GLYATL3: variants seen among roughly 807,000 people sequenced by gnomAD.
GLYATL3 encodes the protein glycine-N-acyltransferase like 3.
In GLYATL3, 31 loss-of-function variants were observed where a neutral mutation model predicts 28.5. The observed-to-expected ratio is 1.09, with a 90% CI of 0.82 to 1.47. GLYATL3 has a LOEUF of 1.47. Among genes scored for constraint, GLYATL3 ranks in the 40% most tolerant of loss-of-function variants. The probability of loss-of-function intolerance (pLI) is 0.00; values close to 1 mark genes in which losing one functional copy is unlikely to be tolerated. For missense variants in GLYATL3, 369 were observed against 351.5 expected, an observed-to-expected ratio of 1.05 and a Z score of -0.40; for synonymous variants, 141 against 140.2, an observed-to-expected ratio of 1.01 and a Z score of -0.04.
In GLYATL3 at chr6:49,526,679, C is replaced by G. The variant is rs769476154; in HGVS notation, c.632C>G (p.Thr211Ser). Residue 211 changes from threonine to serine, a missense_variant, in exon 6 of 6, where the codon ACC (threonine) becomes AGC (serine). Coordinates refer to ENST00000371197, the MANE Select transcript of GLYATL3 (RefSeq NM_001010904.2). ...TGGTCCATCACAGACCAGTTTGCCA[C>G]CATGTGCCATGGCTACACCCTGCCA... ...VSWSITDQFA[T>S]MCHGYTLPEH... The G allele has an allele frequency of 1.3e-6, 2 of 1,551,718 alleles. No individual in the cohort carries two copies. The highest frequency in any genetic ancestry group is 1.4e-5 in the African/African-American group (1 of 73,048).
In GLYATL3 at chr6:49,526,682, T is replaced by C; in HGVS notation, c.635T>C (p.Met212Thr). The change falls in exon 6 of 6, where the codon ATG (methionine) becomes ACG (threonine). Residue 212 changes from methionine to threonine, a missense_variant. Coordinates refer to ENST00000371197, the MANE Select transcript of GLYATL3 (RefSeq NM_001010904.2). ...SWSITDQFAT[M>T]CHGYTLPEHR... ...TCCATCACAGACCAGTTTGCCACCA[T>C]GTGCCATGGCTACACCCTGCCAGAA... is the stretch of plus-strand genomic sequence containing the variant. 6.4e-7 allele frequency: 1 copy of C among 1,551,832 alleles called. No homozygotes were observed. The highest frequency in any genetic ancestry group is 8.7e-7 in the Non-Finnish European group (1 of 1,147,018).
intron 1 of GLYATL3, among the ~76,000 whole-genome samples, chr6:49,511,717 C>T (rs1769125305): frequency 6.6e-6 from 1 of 152,116 alleles, no homozygotes; most frequent in Non-Finnish European, 1.5e-5. Flanking sequence ...AGAGTACAAT[C>T]AATGTATATA....
At chr6:49,524,507 A>G (rs555495142) in intron 5 of GLYATL3, among the ~76,000 whole-genome samples, 2 of 152,318 alleles carry the variant, frequency 1.3e-5, no homozygotes, top group African/African-American at 4.8e-5. Flanking sequence ...CAGTTTTGAG[A>G]AATTGCAGCA....
intron 1 of GLYATL3, among the ~76,000 whole-genome samples, chr6:49,507,458 C>T (rs1234745319): frequency 6.6e-6 from 1 of 151,992 alleles, no homozygotes; most frequent in Non-Finnish European, 1.5e-5. Flanking sequence ...TTGATTCCAC[C>T]CTGTTTAAGA....
At position 49,526,797 on chromosome 6, in the gene GLYATL3, G is replaced by C; in HGVS notation, c.750G>C (p.Leu250=). 1 of 1,552,050 alleles carries C rather than the reference G, an allele frequency of 6.4e-7. No individual in the cohort carries two copies. The highest frequency in any genetic ancestry group is 8.7e-7 in the Non-Finnish European group (1 of 1,147,072). ...GATTCCCCTCTCAGGGGAACGTCCT[G>C]GATGACAACACGGCGTCTATAAGCC... ...SRGFPSQGNV[L]DDNTASISLL... The change falls in exon 6 of 6, where the codon CTG becomes CTC. Residue 250 remains leucine (L), a synonymous_variant. Transcript: ENST00000371197.
At position 49,525,984 on chromosome 6, in the gene GLYATL3, T is replaced by G. The variant is rs538709513; in HGVS notation, c.441-504T>G. Among the ~76,000 whole-genome samples, 4 of 152,278 alleles carry G rather than the reference T, an allele frequency of 2.6e-5. No individual in the cohort carries two copies. In the South Asian group the frequency reaches 8.3e-4, roughly 32 times the overall value. ...ATAAAATTAGAAGCAACGACTTAAA[T>G]TTGATGTAATAAGTGTTTTGTCTTC... On this transcript the variant is annotated intron_variant, in intron 5 of 5. Coordinates refer to ENST00000371197, the MANE Select transcript of GLYATL3 (RefSeq NM_001010904.2).
At chr6:49,503,521 T>C (rs1234066303) in intron 1 of GLYATL3, among the ~76,000 whole-genome samples, 1 of 152,216 alleles carries the variant, frequency 6.6e-6, no homozygotes, top group Non-Finnish European at 1.5e-5. Flanking sequence ...TGATAAGTAA[T>C]ATCATAGAGA....
At chr6:49,511,919 T>C in intron 1 of GLYATL3, 44 bp from the exon 2 acceptor site, 1 of 733,308 alleles carries the variant, frequency 1.4e-6, no homozygotes, top group Non-Finnish European at 2.2e-6. Context: ...GATCCAAATA[T>C]TAACAGGCAA....
intron 1 of GLYATL3, among the ~76,000 whole-genome samples, chr6:49,508,899 C>G (rs1769064916): frequency 1.3e-5 from 2 of 152,080 alleles, no homozygotes; most frequent in Admixed American, 6.6e-5. Context: ...ATTGCTTGAA[C>G]CTGGGAGGTG....
At chr6:49,510,079 G>C (rs1296999235) in intron 1 of GLYATL3, among the ~76,000 whole-genome samples, 1 of 150,308 alleles carries the variant, frequency 6.7e-6, no homozygotes, top group African/African-American at 2.5e-5. Flanking sequence ...TTGTTGCCCA[G>C]GCTGGAGTGC....
intron 1 of GLYATL3, among the ~76,000 whole-genome samples, chr6:49,504,782 G>T (rs114430434): frequency 3.5e-4 from 53 of 151,894 alleles, no homozygotes; most frequent in African/African-American, 1.2e-3. Flanking sequence ...TCTGTTTTGC[G>T]CTCACTAAGA....
Position 49,527,999 on chromosome 6 carries a change from A to G in GLYATL3, c.*1085A>G, listed in dbSNP as rs1177253621. On this transcript the variant is annotated 3_prime_UTR_variant, in exon 6 of 6. Transcript: ENST00000371197. Reference sequence around the variant, plus strand: ...GCCAGAATGCTGCCATTTTAATTCCAATCTGTTATTTTCACTAAATCATGT... The same window carrying G: ...GCCAGAATGCTGCCATTTTAATTCCGATCTGTTATTTTCACTAAATCATGT... Among the ~76,000 whole-genome samples, 1 of 152,156 alleles carries G rather than the reference A, an allele frequency of 6.6e-6. No individual in the cohort carries two copies. Among genetic ancestry groups the G allele is most frequent in the Non-Finnish European group, 1.5e-5 (1 of 68,024 alleles).
intron 2 of GLYATL3, among the ~76,000 whole-genome samples, chr6:49,512,448 C>T (rs1362841741): frequency 2.6e-5 from 4 of 151,960 alleles, no homozygotes; most frequent in Admixed American, 6.6e-5. Context: ...CTCTCCCTCC[C>T]CTTTCCTCTC....
At chr6:49,525,819 T>C (rs1769400811) in intron 5 of GLYATL3, among the ~76,000 whole-genome samples, 1 of 152,148 alleles carries the variant, frequency 6.6e-6, no homozygotes, top group Non-Finnish European at 1.5e-5. Context: ...ATTATAGTTC[T>C]AGGGTTGGTT....
chr6:49,525,446 C>A (rs1377102898), intron 5 of GLYATL3, among the ~76,000 whole-genome samples: 2 of 151,342 alleles, frequency 1.3e-5, no homozygotes, highest in African/African-American at 2.4e-5. Context: ...CACCTGTAAT[C>A]CCACACGCAC....
intron 1 of GLYATL3, among the ~76,000 whole-genome samples, chr6:49,506,069 GA>G (rs1769005628): frequency 6.6e-6 from 1 of 152,170 alleles, no homozygotes; most frequent in African/African-American, 2.4e-5. Context: ...GTTGGTCTGA[GA>G]TAATTGATGT....
chr6:49,522,762 T>C (rs1769339530), intron 5 of GLYATL3, among the ~76,000 whole-genome samples: 1 of 152,164 alleles, frequency 6.6e-6, no homozygotes, highest in African/African-American at 2.4e-5. Context: ...ACATTTTAAG[T>C]CATAGGAAAG....
intron 1 of GLYATL3, among the ~76,000 whole-genome samples, chr6:49,508,395 G>A (rs1024457516): frequency 7.9e-5 from 12 of 152,176 alleles, no homozygotes; most frequent in Non-Finnish European, 5.9e-5. Context: ...AACAGTTGAA[G>A]CAAAAGCTGG....
intron 4 of GLYATL3, 116 bp downstream of exon 4, chr6:49,517,672 T>A: frequency 1.5e-6 from 1 of 650,220 alleles, no homozygotes; most frequent in South Asian, 3.0e-5. Flanking sequence ...TATACACACC[T>A]GTATGTATAA....
Sources: gnomAD v4.1 joint callset for allele counts (sites outside exome capture counted in the v4.1 genomes callset) on GRCh38, gnomAD v4.1.1 for gene constraint, MANE v1.5 for transcripts, NCBI Gene and HGNC (gene_info 2026-07-23, HGNC 2026-07-21) for gene names.